CACNA1C: variants seen among roughly 807,000 people sequenced by gnomAD.
The protein encoded by CACNA1C is calcium voltage-gated channel subunit alpha1 C.
CACNA1C carries 30 observed loss-of-function variants against 229.0 expected under a neutral mutation model. The observed-to-expected ratio is 0.13, with a 90% confidence interval of 0.10 to 0.18. CACNA1C has a LOEUF of 0.18. Among genes scored for constraint, CACNA1C ranks in the 10% least tolerant of loss-of-function variants. The pLI, the probability that CACNA1C is intolerant of heterozygous loss-of-function variation, is 1.00. For synonymous variants in CACNA1C, 1,114 were observed against 1,132.5 expected (o/e 0.98, Z 0.33); for missense variants, 1,658 against 2,845.0 (o/e 0.58, Z 9.49).
intron 29 of CACNA1C, among the ~76,000 whole-genome samples, chr12:2,621,247 T>C (rs1251738687): frequency 1.3e-5 from 2 of 151,048 alleles, no homozygotes; most frequent in Non-Finnish European, 3.0e-5. Flanking sequence ...AGGGCTGGGG[T>C]GGGGAAACTA....
rs370841425 is a variant in CACNA1C, at chr12:2,194,672, GC to G, written c.477+74244del. Among the ~76,000 whole-genome samples, 337 of 152,102 alleles carry G rather than the reference GC, an allele frequency of 2.2e-3. 1 individual carries two copies. The highest frequency in any genetic ancestry group is 7.6e-3 in the African/African-American group (316 of 41,462). On this transcript the variant is annotated intron_variant, in intron 3 of 46. Transcript: ENST00000399655. ...ATTTCAGTGACTGGAGAAGTTTTGG[GC>G]CTTATCTGAGCTGCTTTCCTTGTTA...
intron 3 of CACNA1C, among the ~76,000 whole-genome samples, chr12:2,192,292 C>G (rs1353375610): frequency 1.3e-5 from 2 of 152,216 alleles, no homozygotes; most frequent in African/African-American, 4.8e-5. Context: ...CTTTCCACCT[C>G]TCCCACTTTG....
Position 2,512,425 on chromosome 12 carries a change from C to T in CACNA1C, c.1218-387C>T, listed in dbSNP as rs756610354. On this transcript the variant is annotated intron_variant, in intron 8 of 46. Transcript: ENST00000399655. This position sits in a 1 kb window ranked among gnomAD's most constrained non-coding sequence, Gnocchi z 4.3. Reference sequence around the variant, plus strand: ...CTCAATACTGGGTGGGATGGAAATGCATGTTCTGGAATGGTGGTGGAGGTT... The same window carrying T: ...CTCAATACTGGGTGGGATGGAAATGTATGTTCTGGAATGGTGGTGGAGGTT... Among the ~76,000 whole-genome samples the T allele has an allele frequency of 3.3e-5, 5 of 152,102 alleles. No individual in the cohort carries two copies. Among genetic ancestry groups the T allele is most frequent in the Non-Finnish European group, 5.9e-5 (4 of 68,006 alleles).
At chr12:2,066,846 TG>T (rs1396605208) in intron 1 of CACNA1C, among the ~76,000 whole-genome samples, 1 of 146,190 alleles carries the variant, frequency 6.8e-6, no homozygotes, top group African/African-American at 2.6e-5. Context: ...TAGAGGGGCA[TG>T]GGGGGAGCTG....
intron 5 of CACNA1C, among the ~76,000 whole-genome samples, chr12:2,460,891 G>C (rs1269628639): frequency 6.6e-6 from 1 of 152,160 alleles, no homozygotes; most frequent in African/African-American, 2.4e-5. Flanking sequence ...AATAGTGTCT[G>C]TGCAGCTTTT....
At chr12:2,392,274 G>A (rs532298338) in intron 3 of CACNA1C, among the ~76,000 whole-genome samples, 2 of 152,310 alleles carry the variant, frequency 1.3e-5, no homozygotes, top group African/African-American at 2.4e-5. Context: ...TCTTTCCACT[G>A]CTACCATCAT....
At chr12:2,045,463 C>A (rs1350511506) in intron 1 of CACNA1C, among the ~76,000 whole-genome samples, 1 of 152,200 alleles carries the variant, frequency 6.6e-6, no homozygotes, top group African/African-American at 2.4e-5. Flanking sequence ...GGCCAGGTTA[C>A]TGAACCTCTC....
chr12:2,500,237 GAGTTTCCTCTTATGGT>G (rs1598200996), intron 7 of CACNA1C, among the ~76,000 whole-genome samples: 1 of 152,212 alleles, frequency 6.6e-6, no homozygotes, highest in African/African-American at 2.4e-5. Flanking sequence ...GGGGACCCAT[GAGTTTCCTCTTATGGT>G]CCTGGCTGTC....
chr12:2,671,552 T>C (rs978646330), intron 38 of CACNA1C, among the ~76,000 whole-genome samples: 5 of 152,094 alleles, frequency 3.3e-5, no homozygotes, highest in East Asian at 1.9e-4. Flanking sequence ...TACTTAAAGA[T>C]TGATGTAAAT....
intron 5 of CACNA1C, among the ~76,000 whole-genome samples, chr12:2,462,320 C>T (rs185137243): frequency 2.2e-4 from 32 of 148,138 alleles, no homozygotes; most frequent in African/African-American, 2.6e-4. Context: ...CAGGCCTGCG[C>T]ACCTCCTCGG....
intron 5 of CACNA1C, among the ~76,000 whole-genome samples, chr12:2,470,776 A>C (rs1006490608): frequency 1.3e-5 from 2 of 152,080 alleles, no homozygotes; most frequent in East Asian, 3.9e-4. Context: ...TGTGGGTCCA[A>C]CTCCCTATCT....
intron 1 of CACNA1C, among the ~76,000 whole-genome samples, chr12:2,065,275 G>A (rs2058915911): frequency 6.6e-6 from 1 of 152,194 alleles, no homozygotes; most frequent in Non-Finnish European, 1.5e-5. Flanking sequence ...TTATTTAAAA[G>A]GCAAAAATTT....
intron 1 of CACNA1C, among the ~76,000 whole-genome samples, chr12:1,996,763 G>C (rs1166236672): frequency 6.6e-6 from 1 of 151,012 alleles, no homozygotes; most frequent in African/African-American, 2.4e-5. Flanking sequence ...ACAAGCTTGC[G>C]ATAAAGCCTT....
At chr12:2,505,759 A>G (rs2154578005) in intron 8 of CACNA1C, among the ~76,000 whole-genome samples, 1 of 152,294 alleles carries the variant, frequency 6.6e-6, no homozygotes, top group African/African-American at 2.4e-5. Context: ...TTTCTTCTTC[A>G]GAAGTCCACA....
intron 1 of CACNA1C, among the ~76,000 whole-genome samples, chr12:2,093,116 T>C (rs947017721): frequency 6.6e-6 from 1 of 152,238 alleles, no homozygotes; most frequent in African/African-American, 2.4e-5. Flanking sequence ...TTGGCCACTT[T>C]CGTTTCAGGC....
At chr12:2,537,912 G>A (rs1334870273) in intron 9 of CACNA1C, among the ~76,000 whole-genome samples, 1 of 152,100 alleles carries the variant, frequency 6.6e-6, no homozygotes, top group East Asian at 1.9e-4. Flanking sequence ...GGGAGAGGGA[G>A]TGTGCCAAAG....
intron 9 of CACNA1C, among the ~76,000 whole-genome samples, chr12:2,530,604 A>G (rs941408351): frequency 2.6e-5 from 4 of 152,200 alleles, no homozygotes; most frequent in Non-Finnish European, 5.9e-5. Flanking sequence ...AGAGAACAGA[A>G]CACAATCTCT....
chr12:2,576,812 T>C (rs1376534748), intron 13 of CACNA1C, among the ~76,000 whole-genome samples: 1 of 152,090 alleles, frequency 6.6e-6, no homozygotes, highest in Non-Finnish European at 1.5e-5. Context: ...ATCCCATCCA[T>C]ATCAGTGATA....
chr12:2,277,000 C>T (rs1346695908), intron 3 of CACNA1C, among the ~76,000 whole-genome samples: 1 of 152,114 alleles, frequency 6.6e-6, no homozygotes, highest in Admixed American at 6.5e-5. Context: ...CTAGACTGCT[C>T]ATCACAGGGG....
Sources: allele counts gnomAD v4.1 joint callset (sites outside exome capture counted in the v4.1 genomes callset), GRCh38; gene constraint gnomAD v4.1.1; non-coding constraint Gnocchi (gnomAD v3.1); transcripts MANE v1.5; gene names NCBI Gene and HGNC (gene_info 2026-07-23, HGNC 2026-07-21).